Variants in SYBU observed in about 807,000 individuals in gnomAD.
SYBU encodes the protein syntabulin.
A neutral mutation model predicts 35.9 loss-of-function variants in SYBU; 21 were observed. That is an observed-to-expected ratio of 0.58 (90% CI 0.41 to 0.84). SYBU has a LOEUF of 0.84. SYBU is among the 40% of genes least tolerant of loss of function. The pLI is 0.00. For missense variants in SYBU, 768 were observed against 848.2 expected (o/e 0.91, Z 1.17); for synonymous variants, 319 against 324.3 (o/e 0.98, Z 0.18).
At chr8:109,682,554 A>G (rs1817425570), upstream of SYBU, among the ~76,000 whole-genome samples, 1 of 152,176 alleles carries the variant, frequency 6.6e-6, no homozygotes, top group African/African-American at 2.4e-5. Context: ...AGAAATTTCT[A>G]AGTGGCAAAG....
At chr8:109,690,088 A>T (rs987140687) in intron 1 of SYBU, among the ~76,000 whole-genome samples, 1 of 152,234 alleles carries the variant, frequency 6.6e-6, no homozygotes, top group Non-Finnish European at 1.5e-5. Flanking sequence ...TTAAATATGT[A>T]CAGATCATTA....
intron 1 of SYBU, among the ~76,000 whole-genome samples, chr8:109,655,019 C>T (rs1048763181): frequency 3.9e-5 from 6 of 152,184 alleles, no homozygotes; most frequent in Non-Finnish European, 8.8e-5. Context: ...CTGATCATTC[C>T]TTCCCCATCC....
At chr8:109,601,400 T>A (rs1172736695) in intron 3 of SYBU, among the ~76,000 whole-genome samples, 4 of 152,174 alleles carry the variant, frequency 2.6e-5, no homozygotes, top group African/African-American at 9.7e-5. Context: ...CCATCTCAAC[T>A]ATGCGTTAAA....
intron 2 of SYBU, among the ~76,000 whole-genome samples, chr8:109,623,876 A>T (rs1371699681): frequency 6.6e-6 from 1 of 152,192 alleles, no homozygotes; most frequent in African/African-American, 2.4e-5. Context: ...GTAAAGAATA[A>T]AATAAAGACA....
chr8:109,652,528 C>A (rs184590568), intron 1 of SYBU, among the ~76,000 whole-genome samples: 121 of 152,250 alleles, frequency 7.9e-4, no homozygotes, highest in South Asian at 1.2e-3. Context: ...GGATTTTTCT[C>A]AAATCTTGAT....
At chr8:109,580,104 G>T in intron 4 of SYBU, 102 bp from the exon 5 acceptor site, 1 of 1,096,038 alleles carries the variant, frequency 9.1e-7, no homozygotes, top group Non-Finnish European at 1.4e-6. Context: ...TTATAGAGTT[G>T]AAAGGCGCAA....
At chr8:109,598,465 C>T (rs969209289) in intron 3 of SYBU, among the ~76,000 whole-genome samples, 3 of 152,288 alleles carry the variant, frequency 2.0e-5, no homozygotes, top group Non-Finnish European at 4.4e-5. Context: ...CACTTAACCT[C>T]TCTATGCCTA....
Position 109,574,991 on chromosome 8 carries a change from A to G in SYBU, c.1907T>C (p.Val636Ala). Residue 636 changes from valine (V) to alanine (A), a missense_variant, in exon 7 of 7, where the codon GTG (valine) becomes GCG (alanine). Coordinates refer to ENST00000276646, the MANE Select transcript of SYBU (RefSeq NM_001099754.2). ...CCTGAGCAAGGCCCCGATGTTATAC[A>G]CAGGATCCGTTCCCCCTCTCTGAGT... Reference protein sequence around the residue: ...FSTQRGGTDPVYNIGALLRGC... With the variant: ...FSTQRGGTDPAYNIGALLRGC... 4 of 1,570,938 alleles carry G rather than the reference A, an allele frequency of 2.5e-6. No individual in the cohort carries two copies. The highest frequency in any genetic ancestry group is 3.5e-6 in the Non-Finnish European group (4 of 1,157,390).
At chr8:109,634,316 C>G (rs1319861168) in intron 2 of SYBU, among the ~76,000 whole-genome samples, 1 of 152,166 alleles carries the variant, frequency 6.6e-6, no homozygotes, top group Non-Finnish European at 1.5e-5. Flanking sequence ...GCCCACAACA[C>G]TGGAGTCATG....
chr8:109,624,678 C>T (rs2130442907), intron 2 of SYBU, among the ~76,000 whole-genome samples: 1 of 152,280 alleles, frequency 6.6e-6, no homozygotes, highest in Admixed American at 6.5e-5. Flanking sequence ...TCTTGCCACA[C>T]ACAAACACAC....
intron 3 of SYBU, among the ~76,000 whole-genome samples, chr8:109,618,228 G>A (rs1221567567): frequency 6.6e-6 from 1 of 152,210 alleles, no homozygotes; most frequent in Non-Finnish European, 1.5e-5. Flanking sequence ...TTTACATAGT[G>A]CAGATTCTGA....
Position 109,594,469 on chromosome 8 carries a change from C to T in SYBU, c.428-8307G>A, listed in dbSNP as rs1363219856. Reference sequence around the variant, plus strand: ...GAAACAGATGACATAATTCACAACTCGTTGCCAAGACATCCAATGGGGCCC... The same window carrying T: ...GAAACAGATGACATAATTCACAACTTGTTGCCAAGACATCCAATGGGGCCC... On this transcript the variant is annotated intron_variant, in intron 3 of 6. Coordinates refer to ENST00000276646, the MANE Select transcript of SYBU (RefSeq NM_001099754.2). Among the ~76,000 whole-genome samples, 3 of 152,102 alleles carry T rather than the reference C, an allele frequency of 2.0e-5. No individual in the cohort carries two copies. The East Asian group carries it at 5.8e-4, about 29-fold the overall frequency.
intron 1 of SYBU, among the ~76,000 whole-genome samples, chr8:109,666,292 T>A (rs1320319397): frequency 6.6e-6 from 1 of 152,174 alleles, no homozygotes; most frequent in African/African-American, 2.4e-5. Flanking sequence ...GCTGGATAAT[T>A]CTTGTGGTAG....
chr8:109,655,362 A>G (rs1440651375), intron 1 of SYBU, among the ~76,000 whole-genome samples: 1 of 152,224 alleles, frequency 6.6e-6, no homozygotes, highest in African/African-American at 2.4e-5. Flanking sequence ...GGAAAGATAA[A>G]GTTACATTAA....
At chr8:109,680,915 T>C (rs1163899763) in exon 1 of SYBU, 1 of 152,250 alleles carries the variant, frequency 6.6e-6, no homozygotes, top group East Asian at 1.9e-4. Flanking sequence ...CTAAGTAGAA[T>C]GCTAATGCTA....
intron 3 of SYBU, among the ~76,000 whole-genome samples, chr8:109,610,114 G>A (rs544879763): frequency 3.5e-4 from 53 of 151,878 alleles, no homozygotes; most frequent in Non-Finnish European, 6.0e-4. Flanking sequence ...CCTTAAGCAC[G>A]GAACAATAAG....
At chr8:109,658,702 C>T (rs1198517553) in intron 1 of SYBU, among the ~76,000 whole-genome samples, 3 of 152,126 alleles carry the variant, frequency 2.0e-5, no homozygotes. Flanking sequence ...GCCTGTAATC[C>T]CAGCATTTTA....
intron 3 of SYBU, among the ~76,000 whole-genome samples, chr8:109,603,174 G>C (rs556601347): frequency 6.6e-6 from 1 of 152,378 alleles, no homozygotes; most frequent in Non-Finnish European, 1.5e-5. Flanking sequence ...AAGAGGCAAA[G>C]AGCTCTGTCT....
intron 3 of SYBU, among the ~76,000 whole-genome samples, chr8:109,616,582 G>A (rs1436547044): frequency 6.6e-6 from 1 of 151,876 alleles, no homozygotes; most frequent in African/African-American, 2.4e-5. Context: ...TCCTTGTATT[G>A]CCATCACCAT....
Sources: allele counts gnomAD v4.1 joint callset (sites outside exome capture counted in the v4.1 genomes callset), GRCh38; gene constraint gnomAD v4.1.1; transcripts MANE v1.5; gene names NCBI Gene and HGNC (gene_info 2026-07-23, HGNC 2026-07-21).